Variants in KYNU observed in about 807,000 individuals in gnomAD.
KYNU encodes kynureninase.
A neutral mutation model predicts 59.2 loss-of-function variants in KYNU; 54 were observed. That is an observed-to-expected ratio of 0.91 (90% CI 0.73 to 1.14). The LOEUF is 1.14. Ranked by LOEUF, KYNU falls within the 50% of genes most tolerant of loss-of-function variation. KYNU has a pLI of 0.00. For missense variants in KYNU, 567 were observed against 554.4 expected, an observed-to-expected ratio of 1.02 and a Z score of -0.23; for synonymous variants, 177 against 192.0, an observed-to-expected ratio of 0.92 and a Z score of 0.65.
chr2:143,022,363 T>C (rs1351117077), intron 10 of KYNU, among the ~76,000 whole-genome samples: 2 of 152,234 alleles, frequency 1.3e-5, no homozygotes, highest in East Asian at 3.9e-4. Context: ...CCATTTTTGC[T>C]CTATGTGAAC....
chr2:143,017,497 A>C (rs1162979540), intron 10 of KYNU, among the ~76,000 whole-genome samples: 1 of 123,328 alleles, frequency 8.1e-6, no homozygotes, highest in East Asian at 2.5e-4. Flanking sequence ...GATGGAGCGC[A>C]ATGGTGCAAT....
At position 142,935,853 on chromosome 2, in the gene KYNU, G is replaced by A. The variant is rs889939621; in HGVS notation, c.373+8112G>A. On this transcript the variant is annotated intron_variant, in intron 4 of 13. Transcript: ENST00000264170. ...TAAGCAGTGGAGGATACATACGGGC[G>A]TAAGGTGGCAGGATGGGTTTATAGG... 5.3e-5 allele frequency among the ~76,000 whole-genome samples: 8 copies of A among 152,126 alleles called. No individual in the cohort carries two copies. The East Asian group carries it at 7.7e-4, about 15-fold the overall frequency.
At chr2:142,941,465 A>G (rs1011085938) in intron 4 of KYNU, among the ~76,000 whole-genome samples, 1 of 152,254 alleles carries the variant, frequency 6.6e-6, no homozygotes, top group Non-Finnish European at 1.5e-5. Flanking sequence ...GAAGATAACA[A>G]TTATTTCTTA....
intron 1 of KYNU, among the ~76,000 whole-genome samples, chr2:142,883,545 A>G (rs1292621785): frequency 6.6e-6 from 1 of 151,852 alleles, no homozygotes; most frequent in African/African-American, 2.4e-5. Flanking sequence ...TGCATATCAC[A>G]GTTTGTCATT....
At chr2:142,946,298 G>T (rs1683777610) in intron 4 of KYNU, among the ~76,000 whole-genome samples, 1 of 151,836 alleles carries the variant, frequency 6.6e-6, no homozygotes, top group Non-Finnish European at 1.5e-5. Context: ...TGCTCAGGCT[G>T]GTCTCAAACT....
chr2:143,005,728 T>C (rs1429086053), intron 10 of KYNU, among the ~76,000 whole-genome samples: 1 of 152,008 alleles, frequency 6.6e-6, no homozygotes, highest in East Asian at 1.9e-4. Context: ...GCAAAAGTAA[T>C]TGTGGTTTTT....
chr2:142,969,358 G>A (rs977576591), intron 8 of KYNU, among the ~76,000 whole-genome samples: 5 of 152,128 alleles, frequency 3.3e-5, no homozygotes, highest in Admixed American at 6.5e-5. Context: ...ATGACATAAA[G>A]CTTAGATGCA....
chr2:142,941,668 A>ATT (rs1413539637), intron 4 of KYNU, among the ~76,000 whole-genome samples: 1 of 152,166 alleles, frequency 6.6e-6, no homozygotes, highest in Non-Finnish European at 1.5e-5. Context: ...AGCCACAGGA[A>ATT]TTTAAGAGAT....
intron 8 of KYNU, among the ~76,000 whole-genome samples, chr2:142,970,018 C>T (rs1684668439): frequency 1.3e-5 from 2 of 152,102 alleles, no homozygotes; most frequent in African/African-American, 4.8e-5. Context: ...ATTCTACCCT[C>T]CATAAAAGTG....
At chr2:142,941,757 A>G (rs995762240) in intron 4 of KYNU, among the ~76,000 whole-genome samples, 1 of 152,204 alleles carries the variant, frequency 6.6e-6, no homozygotes, top group African/African-American at 2.4e-5. Context: ...ATCCATCTTT[A>G]TCGATAAAGG....
intron 4 of KYNU, 150 bp from the exon 5 acceptor site, chr2:142,954,660 G>A (rs915492133): frequency 3.4e-6 from 2 of 588,970 alleles, no homozygotes. Flanking sequence ...GAGTCAAGTG[G>A]GAAAACTTCC....
intron 11 of KYNU, among the ~76,000 whole-genome samples, chr2:143,030,791 A>G (rs958133372): frequency 1.2e-5 from 1 of 85,424 alleles, no homozygotes; most frequent in Non-Finnish European, 3.1e-5. Context: ...ATAAGCTGAA[A>G]ATATCATAAG....
At chr2:142,993,049 A>T (rs1267961134) in intron 10 of KYNU, among the ~76,000 whole-genome samples, 5 of 152,006 alleles carry the variant, frequency 3.3e-5, no homozygotes, top group African/African-American at 1.2e-4. Context: ...AGCTTGAGCA[A>T]GGAGGTGGGG....
chr2:143,006,597 G>T (rs1286269153), intron 10 of KYNU, among the ~76,000 whole-genome samples: 7 of 135,320 alleles, frequency 5.2e-5, no homozygotes, highest in African/African-American at 1.7e-4. Flanking sequence ...TCCACCTCTG[G>T]GGGCAGGGCA....
At chr2:143,037,906 A>C (rs530245790) in intron 12 of KYNU, among the ~76,000 whole-genome samples, 1 of 152,340 alleles carries the variant, frequency 6.6e-6, no homozygotes, top group East Asian at 1.9e-4. Flanking sequence ...CTCAGAATGC[A>C]GTTGCCCTTA....
In KYNU at chr2:143,032,319, C is replaced by T. The variant is rs547663234; in HGVS notation, c.956-917C>T. Among the ~76,000 whole-genome samples the T allele has an allele frequency of 5.4e-5, 8 of 148,722 alleles. No individual in the cohort carries two copies. The South Asian group carries it at 1.7e-3, about 32-fold the overall frequency. The stretch of plus-strand genomic sequence containing the variant: ...AAAAAAAACAAAACAAAAAAAACTG[C>T]TGTTTTTAAAACCATCAGATCTTGT... On this transcript the variant is annotated intron_variant, in intron 11 of 13. Coordinates refer to ENST00000264170, the MANE Select transcript of KYNU (RefSeq NM_003937.3).
At chr2:142,953,183 C>G (rs1202436556) in intron 4 of KYNU, among the ~76,000 whole-genome samples, 1 of 152,182 alleles carries the variant, frequency 6.6e-6, no homozygotes, top group Non-Finnish European at 1.5e-5. Context: ...TCATGATGTC[C>G]TGGCAATTGA....
chr2:143,040,196 T>C (rs1573923729), intron 12 of KYNU, among the ~76,000 whole-genome samples: 1 of 152,118 alleles, frequency 6.6e-6, no homozygotes, highest in East Asian at 1.9e-4. Context: ...CTTTGCAAGT[T>C]TTATTTAAGT....
chr2:142,964,170 G>T (rs1441351319), intron 8 of KYNU, among the ~76,000 whole-genome samples: 1 of 150,852 alleles, frequency 6.6e-6, no homozygotes, highest in Admixed American at 6.6e-5. Context: ...ATAGATCACA[G>T]GTTTTTTCCG....
Sources: allele counts gnomAD v4.1 joint callset (sites outside exome capture counted in the v4.1 genomes callset), GRCh38; gene constraint gnomAD v4.1.1; transcripts MANE v1.5; gene names NCBI Gene and HGNC (gene_info 2026-07-23, HGNC 2026-07-21).